The following ERC1 variants were observed in gnomAD, a reference collection of about 807,000 sequenced individuals.
ERC1 encodes the protein ELKS/RAB6-interacting/CAST family member 1, also known as RAB6 interacting protein 2.
A neutral mutation model predicts 132.0 loss-of-function variants in ERC1; 56 were observed. The observed-to-expected ratio is 0.42, with a 90% CI of 0.34 to 0.53. The LOEUF (loss-of-function observed/expected upper bound fraction) is 0.53, where lower values mean the gene tolerates loss of function less well. ERC1 is among the 20% of genes least tolerant of loss of function. The pLI is 0.03. For synonymous variants in ERC1, 478 were observed against 476.1 expected, an observed-to-expected ratio of 1.00 and a Z score of -0.05; for missense variants, 1,202 against 1,349.9, an observed-to-expected ratio of 0.89 and a Z score of 1.72.
At chr12:1,307,136 T>C (rs1416133165) in intron 15 of ERC1, among the ~76,000 whole-genome samples, 12 of 152,214 alleles carry the variant, frequency 7.9e-5, no homozygotes, top group Admixed American at 7.9e-4. Flanking sequence ...TTTGGATTGA[T>C]TGTCTTAAAG....
intron 7 of ERC1, among the ~76,000 whole-genome samples, chr12:1,137,943 T>C (rs1416991021): frequency 2.2e-5 from 3 of 137,944 alleles, no homozygotes; most frequent in Non-Finnish European, 3.0e-5. Flanking sequence ...TAATATATAA[T>C]ATATTTATAT....
At chr12:1,361,924 T>C (rs1383004872) in intron 15 of ERC1, among the ~76,000 whole-genome samples, 1 of 152,208 alleles carries the variant, frequency 6.6e-6, no homozygotes, top group Non-Finnish European at 1.5e-5. Flanking sequence ...AAAATATTCA[T>C]TGGAAAAGCA....
intron 8 of ERC1, among the ~76,000 whole-genome samples, chr12:1,149,596 A>C (rs1008056113): frequency 6.6e-6 from 1 of 151,870 alleles, no homozygotes; most frequent in Non-Finnish European, 1.5e-5. Flanking sequence ...ATGGGGTTTC[A>C]CCATGTTGGC....
chr12:1,310,913 G>T (rs1447855343), intron 15 of ERC1, among the ~76,000 whole-genome samples: 1 of 152,234 alleles, frequency 6.6e-6, no homozygotes, highest in Admixed American at 6.5e-5. Context: ...AGTAGAACAG[G>T]ATGGACCTTC....
intron 16 of ERC1, among the ~76,000 whole-genome samples, chr12:1,393,810 G>A (rs1345820721): frequency 6.6e-6 from 1 of 151,038 alleles, no homozygotes; most frequent in Admixed American, 6.6e-5. Flanking sequence ...GGCAGATCAC[G>A]AGGTCAGGAG....
At chr12:1,402,882 T>C (rs1370825033) in intron 16 of ERC1, among the ~76,000 whole-genome samples, 1 of 152,206 alleles carries the variant, frequency 6.6e-6, no homozygotes, top group Non-Finnish European at 1.5e-5. Context: ...TCTGCTTTTA[T>C]TCTGGTTAAT....
At chr12:1,438,954 A>ATATAT (rs1555093208) in intron 17 of ERC1, among the ~76,000 whole-genome samples, 10 of 143,492 alleles carry the variant, frequency 7.0e-5, no homozygotes, top group Admixed American at 1.4e-4. Flanking sequence ...TTTAAAAAAA[A>ATATAT]ATATATATAT....
intron 8 of ERC1, among the ~76,000 whole-genome samples, chr12:1,143,270 C>T (rs766497453): frequency 3.3e-5 from 5 of 151,404 alleles, no homozygotes; most frequent in Non-Finnish European, 5.9e-5. Context: ...TGGCCCTAAG[C>T]CATCTTCCCA....
At chr12:1,148,146 A>T (rs1950540534) in intron 8 of ERC1, among the ~76,000 whole-genome samples, 1 of 152,218 alleles carries the variant, frequency 6.6e-6, no homozygotes, top group Non-Finnish European at 1.5e-5. Context: ...TTTGGAAGTA[A>T]CGCATTGCTT....
intron 8 of ERC1, among the ~76,000 whole-genome samples, chr12:1,153,272 C>G (rs539172094): frequency 4.6e-5 from 7 of 152,364 alleles, no homozygotes; most frequent in South Asian, 2.1e-4. Flanking sequence ...CAAGATGTCT[C>G]TCTGTTCTAG....
At chr12:1,284,343 T>G (rs1002067628) in intron 14 of ERC1, among the ~76,000 whole-genome samples, 2 of 150,754 alleles carry the variant, frequency 1.3e-5, no homozygotes, top group Non-Finnish European at 1.5e-5. Flanking sequence ...CATCCACTGA[T>G]GGACACTTAG....
At chr12:1,183,874 G>A (rs1317789468) in intron 11 of ERC1, among the ~76,000 whole-genome samples, 2 of 152,062 alleles carry the variant, frequency 1.3e-5, no homozygotes, top group Non-Finnish European at 2.9e-5. Context: ...GGTGGCTCAT[G>A]CCTGTAATCC....
rs565117028 is a variant in ERC1 at position 1,254,577 on chromosome 12, G to A, written c.2488-8457G>A. Among the ~76,000 whole-genome samples the A allele has an allele frequency of 6.1e-4, 92 of 152,022 alleles. 1 individual carries two copies. Among genetic ancestry groups the A allele is most frequent in the African/African-American group, 2.1e-3 (88 of 41,432 alleles). On this transcript the variant is annotated intron_variant, in intron 13 of 18. Transcript: ENST00000360905. ...TCCCAGGCTGGAGTGTGGTGGCATA[G>A]TCTTGGCTCACTGCAACCACCGCCT...
intron 18 of ERC1, among the ~76,000 whole-genome samples, chr12:1,465,017 C>T (rs1307195818): frequency 6.6e-5 from 10 of 152,008 alleles, no homozygotes; most frequent in Non-Finnish European, 4.4e-5. Context: ...AACGTATTCC[C>T]ATGGGAGAAG....
At chr12:1,283,104 C>T (rs987134359) in intron 14 of ERC1, among the ~76,000 whole-genome samples, 4 of 152,156 alleles carry the variant, frequency 2.6e-5, no homozygotes, top group African/African-American at 9.7e-5. Context: ...GTGGTAAAGT[C>T]ATAATTTGTT....
chr12:1,419,349 C>A (rs1013375695), intron 17 of ERC1, among the ~76,000 whole-genome samples: 1 of 151,696 alleles, frequency 6.6e-6, no homozygotes, highest in South Asian at 2.1e-4. Flanking sequence ...TACTTTTTCT[C>A]CAAAATTATA....
intron 3 of ERC1, among the ~76,000 whole-genome samples, chr12:1,097,328 G>C (rs766308558): frequency 2.6e-5 from 4 of 152,188 alleles, no homozygotes; most frequent in Non-Finnish European, 1.5e-5. Context: ...TGTCTGGCAA[G>C]AGTTAATTTA....
In ERC1 at chr12:1,142,568, A is replaced by G. The variant is rs574698661; in HGVS notation, c.1737+781A>G. ...GATGGATTTTGCCAAGTAACCTTAA[A>G]GAGACTGTACCAAGTTTCATTTCTA... On this transcript the variant is annotated intron_variant, in intron 8 of 18. Coordinates refer to ENST00000360905, the MANE Select transcript of ERC1 (RefSeq NM_178040.4). Among the ~76,000 whole-genome samples, 3 of 152,348 alleles carry G rather than the reference A, an allele frequency of 2.0e-5. No individual in the cohort carries two copies. The East Asian group carries it at 5.8e-4, about 29-fold the overall frequency.
chr12:1,127,064 A>G (rs900226831), intron 7 of ERC1, among the ~76,000 whole-genome samples: 1 of 151,474 alleles, frequency 6.6e-6, no homozygotes, highest in African/African-American at 2.4e-5. Flanking sequence ...TGAATAGACA[A>G]TTAACAGATA....
Sources: allele counts gnomAD v4.1 joint callset (sites outside exome capture counted in the v4.1 genomes callset), GRCh38; gene constraint gnomAD v4.1.1; transcripts MANE v1.5; gene names NCBI Gene and HGNC (gene_info 2026-07-23, HGNC 2026-07-21).